USP20: variants seen among roughly 807,000 people sequenced by gnomAD.
USP20 encodes ubiquitin specific peptidase 20.
In USP20, 80 loss-of-function variants were observed where a neutral mutation model predicts 124.2. The observed-to-expected ratio is 0.64, with a 90% confidence interval of 0.54 to 0.78. The LOEUF (loss-of-function observed/expected upper bound fraction) is 0.78, where lower values mean the gene tolerates loss of function less well. Among genes scored for constraint, USP20 ranks in the 30% least tolerant of loss-of-function variants. The pLI is 0.00. For synonymous variants in USP20, 481 were observed against 512.3 expected (o/e 0.94, Z 0.83); for missense variants, 1,043 against 1,244.4 (o/e 0.84, Z 2.44).
Position 129,869,298 on chromosome 9 carries a change from C to T in USP20, c.1277-12C>T. On this transcript the variant is annotated splice_polypyrimidine_tract_variant and intron_variant, in intron 12 of 25. Transcript: ENST00000372429. ...AGGTGGAGGCTGGGCTAGTCCTGTG[C>T]TGTGTCCCCAGCCCAGGTATTGAGT... 1 of 1,611,884 alleles carries T rather than the reference C, an allele frequency of 6.2e-7. No individual in the cohort carries two copies. Among genetic ancestry groups the T allele is most frequent in the Non-Finnish European group, 8.5e-7 (1 of 1,178,684 alleles).
At chr9:129,871,176 C>T (rs1382776685) in intron 15 of USP20, among the ~76,000 whole-genome samples, 2 of 152,074 alleles carry the variant, frequency 1.3e-5, no homozygotes, top group Non-Finnish European at 2.9e-5. Flanking sequence ...GAAACAGCTC[C>T]CTACTCCCAC....
intron 10 of USP20, among the ~76,000 whole-genome samples, chr9:129,866,807 G>A (rs1289577787): frequency 6.6e-6 from 1 of 152,220 alleles, no homozygotes; most frequent in Non-Finnish European, 1.5e-5. Context: ...TTGTTGAAAG[G>A]AAGAACCAGA....
At chr9:129,860,166 T>A (rs1183176459) in intron 6 of USP20, among the ~76,000 whole-genome samples, 2 of 151,994 alleles carry the variant, frequency 1.3e-5, no homozygotes, top group Non-Finnish European at 2.9e-5. Context: ...CCGTCTCTAC[T>A]AAAAATACAA....
intron 10 of USP20, among the ~76,000 whole-genome samples, chr9:129,866,604 C>T (rs541923579): frequency 7.9e-5 from 12 of 152,314 alleles, no homozygotes; most frequent in Admixed American, 4.6e-4. Context: ...GATGCCGTTA[C>T]GGAGGGCCAT....
chr9:129,854,562 T>G (rs2033112065), intron 3 of USP20, among the ~76,000 whole-genome samples: 1 of 152,180 alleles, frequency 6.6e-6, no homozygotes, highest in Non-Finnish European at 1.5e-5. Flanking sequence ...GAGGGAAATA[T>G]TTCATATCAT....
rs1159489842 is a variant in USP20, at chr9:129,846,228, C to CATATATAT, written c.-128-3572_-128-3565dup. ...ACAGTCGTGAGCCACTGCGCCCAGC[C>CATATATAT]ATATATATATATATATATATTTTTT... On this transcript the variant is annotated intron_variant, in intron 1 of 25. Transcript: ENST00000372429. 5.6e-4 allele frequency among the ~76,000 whole-genome samples: 33 copies of CATATATAT among 59,422 alleles called. 1 individual carries two copies. Among genetic ancestry groups the CATATATAT allele is most frequent in the African/African-American group, 2.5e-3 (32 of 13,034 alleles). 39.0% of individuals were successfully genotyped at this position (59,422 alleles called of 152,430 possible).
Position 129,868,007 on chromosome 9 carries a change from C to T in USP20, c.693C>T (p.Asp231=). The change falls in exon 11 of 26, where the codon GAC becomes GAT. Residue 231 remains aspartate, a splice_region_variant and synonymous_variant. Coordinates refer to ENST00000372429, the MANE Select transcript of USP20 (RefSeq NM_001110303.4). ...GTTGATGCAGCCCCTGGTTCTAGGA[C>T]ACCCAAGAGTTCCTTCGCTGCCTGA... ...NPMFRGYAQQ[D]TQEFLRCLMD... The T allele has an allele frequency of 6.2e-7, 1 of 1,611,802 alleles. No individual in the cohort carries two copies. Among genetic ancestry groups the T allele is most frequent in the Non-Finnish European group, 8.5e-7 (1 of 1,178,652 alleles).
intron 1 of USP20, among the ~76,000 whole-genome samples, chr9:129,847,046 G>A (rs62586264): frequency 0.14 from 21,855 of 152,134 alleles, 2,061 homozygotes; most frequent in African/African-American, 0.26. Flanking sequence ...CTATTGATGG[G>A]CACTTGGTTT....
rs762485125 is a variant in USP20, at chr9:129,879,561, T to C, written c.2513-12T>C. 1 of 1,613,102 alleles carries C rather than the reference T, an allele frequency of 6.2e-7. No individual in the cohort carries two copies. The highest frequency in any genetic ancestry group is 8.5e-7 in the Non-Finnish European group (1 of 1,179,738). On this transcript the variant is annotated splice_polypyrimidine_tract_variant and intron_variant, in intron 23 of 25. Coordinates refer to ENST00000372429, the MANE Select transcript of USP20 (RefSeq NM_001110303.4). The surrounding 1 kb of genome is among the most constrained non-coding windows in gnomAD (Gnocchi z 4.2). Reference sequence around the variant, plus strand: ...GCAGGGGCTGAACCCGAGCCCGCTGTGTCTGTTGCAGAGCCCCCCGGGCCC... The same window carrying C: ...GCAGGGGCTGAACCCGAGCCCGCTGCGTCTGTTGCAGAGCCCCCCGGGCCC...
chr9:129,842,422 C>T (rs1372607755), intron 1 of USP20, among the ~76,000 whole-genome samples: 2 of 152,114 alleles, frequency 1.3e-5, no homozygotes, highest in African/African-American at 4.8e-5. Flanking sequence ...ACTACAAGAG[C>T]AGGGCCTATG....
intron 3 of USP20, among the ~76,000 whole-genome samples, chr9:129,855,663 T>C (rs530328261): frequency 1.3e-5 from 2 of 152,290 alleles, no homozygotes; most frequent in East Asian, 1.9e-4. Flanking sequence ...TGACTAGAAC[T>C]GAGCCACATG....
intron 9 of USP20, among the ~76,000 whole-genome samples, chr9:129,864,359 C>G (rs1316595491): frequency 6.6e-6 from 1 of 150,984 alleles, no homozygotes; most frequent in Non-Finnish European, 1.5e-5. Context: ...CCCAGCTACT[C>G]AGGAGGCTGA....
intron 1 of USP20, among the ~76,000 whole-genome samples, chr9:129,844,739 A>G (rs1466171490): frequency 2.7e-5 from 4 of 150,792 alleles, no homozygotes; most frequent in Non-Finnish European, 5.9e-5. Flanking sequence ...GGTGATTTTT[A>G]TTTCATTTTA....
At chr9:129,853,077 C>T (rs1356106332) in intron 3 of USP20, among the ~76,000 whole-genome samples, 1 of 152,162 alleles carries the variant, frequency 6.6e-6, no homozygotes, top group Non-Finnish European at 1.5e-5. Context: ...AATACTTGAA[C>T]AGGGTTACAA....
Position 129,875,455 on chromosome 9 carries a change from C to T in USP20, c.2194C>T (p.Gln732Ter). Residue 732 changes from glutamine (Q) to a stop codon, truncating the protein, a stop_gained, in exon 20 of 26, where the codon CAG (glutamine) becomes TAG (stop). Coordinates refer to ENST00000372429, the MANE Select transcript of USP20 (RefSeq NM_001110303.4). LOFTEE classifies it high-confidence loss of function. ...TFAEPGPITNQTFLCSHGGIP... is the reference protein window; with the variant it reads ...TFAEPGPITN ...CGCGGAGCCAGGCCCCATCACCAAC[C>T]AGACCTTCCTCTGCTCCCACGGAGG... 1 of 1,613,464 alleles carries T rather than the reference C, an allele frequency of 6.2e-7. No homozygotes were observed. The highest frequency in any genetic ancestry group is 8.5e-7 in the Non-Finnish European group (1 of 1,179,768).
rs1564220799 is a variant in USP20 at position 129,874,604 on chromosome 9, G to A, written c.1769G>A (p.Arg590Gln). The part of the protein sequence containing the change: ...EILCIHLKRF[R>Q]HEVMYSFKIN... ...CTGTGCATTCACCTAAAGCGCTTTCGGCACGAGGTGATGTACTCATTCAAG... is the reference window on the plus strand; with the variant it reads ...CTGTGCATTCACCTAAAGCGCTTTCAGCACGAGGTGATGTACTCATTCAAG... Residue 590 changes from arginine to glutamine, a missense_variant, in exon 18 of 26, where the codon CGG (arginine) becomes CAG (glutamine). By Grantham distance (43) the Arg-to-Gln change is conservative. Transcript: ENST00000372429. 7 of 1,613,716 alleles carry A rather than the reference G, an allele frequency of 4.3e-6. No individual in the cohort carries two copies. The highest frequency in any genetic ancestry group is 2.2e-5 in the South Asian group (2 of 91,070).
chr9:129,868,065 G>A lies in USP20; in HGVS notation c.751G>A (p.Val251Met). Residue 251 changes from valine (V) to methionine (M), a missense_variant, in exon 11 of 26, where the codon GTG (valine) becomes ATG (methionine). By Grantham distance (21) the Val-to-Met change is conservative. Coordinates refer to ENST00000372429, the MANE Select transcript of USP20 (RefSeq NM_001110303.4). Reference sequence around the variant, plus strand: ...GCTGCACGAGGAGCTCAAGGAGCCGGTGGTGGCCACGGTGGCGCTGACGGA... The same window carrying A: ...GCTGCACGAGGAGCTCAAGGAGCCGATGGTGGCCACGGTGGCGCTGACGGA... Reference protein sequence around the residue: ...DQLHEELKEPVVATVALTEAR... With the variant: ...DQLHEELKEPMVATVALTEAR... 1 of 1,614,144 alleles carries A rather than the reference G, an allele frequency of 6.2e-7. No homozygotes were observed. The highest frequency in any genetic ancestry group is 8.5e-7 in the Non-Finnish European group (1 of 1,180,014).
rs375458971 is a variant in USP20, at chr9:129,868,076, G to T, written c.762G>T (p.Thr254=). Residue 254 remains threonine, a synonymous_variant, in exon 11 of 26, where the codon ACG becomes ACT. Transcript: ENST00000372429. The part of the protein sequence containing the change: ...HEELKEPVVA[T]VALTEARDSD... ...AGCTCAAGGAGCCGGTGGTGGCCAC[G>T]GTGGCGCTGACGGAGGCTCGGGACT... 6.7e-5 allele frequency: 108 copies of T among 1,613,984 alleles called. No individual in the cohort carries two copies. The African/African-American group carries it at 1.3e-3, about 19-fold the overall frequency.
intron 15 of USP20, among the ~76,000 whole-genome samples, chr9:129,872,078 G>T (rs4837424): frequency 0.84 from 127,839 of 152,194 alleles, 54,475 homozygotes; most frequent in East Asian, 0.98. Flanking sequence ...TCATATGCTT[G>T]TTGGCCATTT....
Sources: gnomAD v4.1 joint callset for allele counts (sites outside exome capture counted in the v4.1 genomes callset) on GRCh38, gnomAD v4.1.1 for gene constraint, Gnocchi (gnomAD v3.1) non-coding constraint, MANE v1.5 for transcripts, NCBI Gene and HGNC (gene_info 2026-07-23, HGNC 2026-07-21) for gene names.